Variants in VWA8 observed in about 807,000 individuals in gnomAD.
VWA8 encodes the protein von Willebrand factor A domain containing 8, also known as von Willebrand factor A domain-containing protein 8.
In VWA8, 221 loss-of-function variants were observed where a neutral mutation model predicts 241.5. That is an observed-to-expected ratio of 0.91 (90% confidence interval 0.82 to 1.02). The LOEUF is 1.02. VWA8 is among the 50% of genes least tolerant of loss of function. VWA8 has a pLI of 0.00. For synonymous variants in VWA8, 852 were observed against 827.1 expected (o/e 1.03, Z -0.52); for missense variants, 2,322 against 2,328.7 (o/e 1.00, Z 0.06).
Position 41,567,356 on chromosome 13 carries a change from T to C in VWA8, c.*841A>G, listed in dbSNP as rs1342939945. On this transcript the variant is annotated 3_prime_UTR_variant, in exon 45 of 45. Transcript: ENST00000379310. ...TTAGGTAATTTTTATATGAATATTC[T>C]CAATAAATAATTTTCGTGTAAGCAT... 1.3e-5 allele frequency: 2 copies of C among 152,254 alleles called. No homozygotes were observed. Among genetic ancestry groups the C allele is most frequent in the Admixed American group, 6.5e-5 (1 of 15,290 alleles). 9.4% of individuals were successfully genotyped at this position (152,254 alleles called of 1,614,324 possible). A position where few individuals can be genotyped will look rare whatever the true frequency, so the allele number is the denominator to read the frequency against.
chr13:41,622,923 T>A (rs1036087127), intron 37 of VWA8, among the ~76,000 whole-genome samples: 1 of 152,244 alleles, frequency 6.6e-6, no homozygotes, highest in Non-Finnish European at 1.5e-5. Context: ...ACATTTCTCA[T>A]GTGAGCCTAC....
chr13:41,901,606 G>A (rs1875427544), intron 4 of VWA8, among the ~76,000 whole-genome samples: 1 of 151,776 alleles, frequency 6.6e-6, no homozygotes, highest in Non-Finnish European at 1.5e-5. Flanking sequence ...AGTGGCTCAC[G>A]CCTGTTATAC....
chr13:41,925,312 A>C (rs898568784), intron 2 of VWA8, among the ~76,000 whole-genome samples: 1 of 152,252 alleles, frequency 6.6e-6, no homozygotes, highest in Non-Finnish European at 1.5e-5. Flanking sequence ...TTATGAGTAC[A>C]TATTGAAGTA....
At chr13:41,573,166 A>G (rs948305949) in intron 43 of VWA8, among the ~76,000 whole-genome samples, 3 of 150,984 alleles carry the variant, frequency 2.0e-5, no homozygotes, top group Non-Finnish European at 4.4e-5. Context: ...CTGTAGACCC[A>G]GCACTTTGAG....
At position 41,811,289 on chromosome 13, in the gene VWA8, G is replaced by A. The variant is rs572989264; in HGVS notation, c.1999C>T (p.Arg667Cys). The change falls in exon 17 of 45, where the codon CGT (arginine) becomes TGT (cysteine). Residue 667 changes from arginine to cysteine, a missense_variant. Transcript: ENST00000379310. ...LSTRQLLRIS[R>C]RLSQYPNENL... The stretch of plus-strand genomic sequence containing the variant: ...TCATTAGGATACTGTGACAGCCGAC[G>A]AGAAATTCGCAACAGTTGTCTGGTA... The A allele has an allele frequency of 9.3e-6, 15 of 1,611,104 alleles. No individual in the cohort carries two copies. The highest frequency in any genetic ancestry group is 1.7e-4 in the Middle Eastern group (1 of 6,038).
rs1236284200 is a variant in VWA8 at position 41,721,833 on chromosome 13, T to C, written c.2759-258A>G. On this transcript the variant is annotated intron_variant, in intron 24 of 44. Transcript: ENST00000379310. ...ACTTGAATACATGCTCACCGGGAGA[T>C]ATTCCAATACAAAGAGGAAAAAAAA... Among the ~76,000 whole-genome samples the C allele has an allele frequency of 3.9e-5, 6 of 152,162 alleles. No individual in the cohort carries two copies. In the East Asian group the frequency reaches 1.2e-3, roughly 29 times the overall value.
rs374519529 is a variant in VWA8, at chr13:41,677,334, G to T, written c.4328-2038C>A. The stretch of plus-strand genomic sequence containing the variant: ...ACACTGATTTCTATTCCACAGCCCT[G>T]AGTAACCATCATCCTCAAAATCATT... On this transcript the variant is annotated intron_variant, in intron 35 of 44. Coordinates refer to ENST00000379310, the MANE Select transcript of VWA8 (RefSeq NM_015058.2). 3.3e-5 allele frequency among the ~76,000 whole-genome samples: 5 copies of T among 152,294 alleles called. No individual in the cohort carries two copies. The East Asian group carries it at 7.7e-4, about 24-fold the overall frequency.
chr13:41,782,665 G>C (rs1868940529), intron 19 of VWA8, among the ~76,000 whole-genome samples: 1 of 151,890 alleles, frequency 6.6e-6, no homozygotes, highest in African/African-American at 2.4e-5. Context: ...ACAGATTTCA[G>C]AATTTTTAAC....
intron 34 of VWA8, 86 bp downstream of exon 34, chr13:41,689,268 A>T: frequency 7.3e-7 from 1 of 1,365,704 alleles, no homozygotes; most frequent in Non-Finnish European, 9.7e-7. Context: ...TTATGTTTTT[A>T]ATTACCCCTC....
At chr13:41,880,183 T>C (rs1186661810) in intron 9 of VWA8, among the ~76,000 whole-genome samples, 2 of 152,226 alleles carry the variant, frequency 1.3e-5, no homozygotes, top group Non-Finnish European at 2.9e-5. Context: ...ATGAAAGCTC[T>C]ATAGCAATTT....
chr13:41,930,567 T>C (rs1448856512), intron 2 of VWA8, among the ~76,000 whole-genome samples: 1 of 152,262 alleles, frequency 6.6e-6, no homozygotes, highest in South Asian at 2.1e-4. Flanking sequence ...ATGTTCTGAG[T>C]GTCGACATGA....
intron 12 of VWA8, among the ~76,000 whole-genome samples, chr13:41,836,049 C>T (rs1871712386): frequency 6.6e-6 from 1 of 152,198 alleles, no homozygotes; most frequent in Non-Finnish European, 1.5e-5. Flanking sequence ...GGCCTACCAT[C>T]TGTTTTTTAT....
chr13:41,763,328 G>A (rs184731222), intron 20 of VWA8, among the ~76,000 whole-genome samples: 2,971 of 149,842 alleles, frequency 0.02, 44 homozygotes, highest in Non-Finnish European at 0.028. Context: ...TAGATAGATA[G>A]ATAGATAGAT....
intron 14 of VWA8, among the ~76,000 whole-genome samples, chr13:41,821,168 G>A (rs1350361527): frequency 6.6e-6 from 1 of 152,104 alleles, no homozygotes; most frequent in Non-Finnish European, 1.5e-5. Context: ...CATGCTAAAT[G>A]GTTTACATTT....
chr13:41,570,757 T>A lies in VWA8; in HGVS notation c.5371-51A>T, dbSNP rs534415181. ...AGCCATGGCTGAGAAACTTCTTTTT[T>A]AACAAATACGATTATTTTTCTATTG... On this transcript the variant is annotated intron_variant, in intron 43 of 44. Coordinates refer to ENST00000379310, the MANE Select transcript of VWA8 (RefSeq NM_015058.2). 40 of 1,514,244 alleles carry A rather than the reference T, an allele frequency of 2.6e-5. No homozygotes were observed. The South Asian group carries it at 4.4e-4, about 17-fold the overall frequency. 93.8% of individuals were successfully genotyped at this position (1,514,244 alleles called of 1,614,324 possible). A position where few individuals can be genotyped will look rare whatever the true frequency, so the allele number is the denominator to read the frequency against.
chr13:41,587,732 T>C, intron 41 of VWA8, 62 bp from the exon 42 acceptor site: 1 of 1,593,912 alleles, frequency 6.3e-7, no homozygotes, highest in South Asian at 1.1e-5. Flanking sequence ...GGTGGCTGTC[T>C]TGGGGATCTC....
intron 14 of VWA8, among the ~76,000 whole-genome samples, chr13:41,826,674 T>C (rs1871179992): frequency 6.6e-6 from 1 of 151,764 alleles, no homozygotes; most frequent in Non-Finnish European, 1.5e-5. Flanking sequence ...GTTTAAGACA[T>C]GCCTCAGCAA....
At chr13:41,854,631 T>C (rs1872664726) in intron 12 of VWA8, among the ~76,000 whole-genome samples, 1 of 152,152 alleles carries the variant, frequency 6.6e-6, no homozygotes, top group Non-Finnish European at 1.5e-5. Flanking sequence ...TAAAGTCTTA[T>C]ATCGTAATTT....
chr13:41,819,327 A>T lies in VWA8; in HGVS notation c.1760T>A (p.Ile587Asn). The stretch of plus-strand genomic sequence containing the variant: ...CAGCCACTGGTGTGCTGTGCTTCCA[A>T]TAACAGGGGGTTCTGCCAAGGCAAT... ...RIIALAEPPV[I>N]GSTAHQWLGP... The change falls in exon 15 of 45, where the codon ATT becomes AAT. Residue 587 changes from isoleucine (I) to asparagine (N), a missense_variant. Coordinates refer to ENST00000379310, the MANE Select transcript of VWA8 (RefSeq NM_015058.2). The T allele has an allele frequency of 1.2e-6, 2 of 1,613,104 alleles. No individual in the cohort carries two copies. Among genetic ancestry groups the T allele is most frequent in the Non-Finnish European group, 1.7e-6 (2 of 1,179,794 alleles).
Sources: gnomAD v4.1 joint callset for allele counts (sites outside exome capture counted in the v4.1 genomes callset) on GRCh38, gnomAD v4.1.1 for gene constraint, MANE v1.5 for transcripts, NCBI Gene and HGNC (gene_info 2026-07-23, HGNC 2026-07-21) for gene names.